Variants in COL24A1 observed in about 807,000 individuals in gnomAD.
COL24A1 encodes the protein collagen type XXIV alpha 1 chain.
Under a neutral mutation model 253.9 loss-of-function variants are expected in COL24A1, and 224 were observed. The ratio of observed to expected loss-of-function variants is 0.88; its 90% CI spans 0.79 to 0.99. COL24A1 has a LOEUF of 0.99. Ranked by LOEUF, COL24A1 falls within the 50% of genes least tolerant of loss-of-function variation. The probability of loss-of-function intolerance (pLI) is 0.00; values close to 1 mark genes in which losing one functional copy is unlikely to be tolerated. For missense variants in COL24A1, 2,131 were observed against 2,068.5 expected, an observed-to-expected ratio of 1.03 and a Z score of -0.59; for synonymous variants, 685 against 673.7, an observed-to-expected ratio of 1.02 and a Z score of -0.26.
chr1:85,897,776 A>G (rs1329067733), intron 28 of COL24A1, among the ~76,000 whole-genome samples: 1 of 152,232 alleles, frequency 6.6e-6, no homozygotes, highest in Non-Finnish European at 1.5e-5. Flanking sequence ...AATTATGTTA[A>G]GTGTTACAGT....
intron 12 of COL24A1, among the ~76,000 whole-genome samples, chr1:86,035,229 C>T (rs1698904548): frequency 6.6e-6 from 1 of 152,174 alleles, no homozygotes; most frequent in South Asian, 2.1e-4. Context: ...TCAGCTGAAG[C>T]TCAAGCATTT....
In COL24A1 at chr1:86,135,211, C is replaced by T. The variant is rs371652046; in HGVS notation, c.122-8997G>A. ...GTTTTCCATTTGCTTGGTAGATCTTCCTCCATCCCTTTATTTTGAGCCTAT... is the reference window on the plus strand; with the variant it reads ...GTTTTCCATTTGCTTGGTAGATCTTTCTCCATCCCTTTATTTTGAGCCTAT... On this transcript the variant is annotated intron_variant, in intron 2 of 59. Transcript: ENST00000370571. Among the ~76,000 whole-genome samples, 130 of 152,136 alleles carry T rather than the reference C, an allele frequency of 8.5e-4. No individual in the cohort carries two copies. The East Asian group carries it at 0.013, about 16-fold the overall frequency.
chr1:85,902,110 T>C (rs144118358), intron 28 of COL24A1, among the ~76,000 whole-genome samples: 125 of 152,232 alleles, frequency 8.2e-4, no homozygotes, highest in African/African-American at 2.9e-3. Flanking sequence ...GAAAGACAAA[T>C]GCCACATGTT....
intron 37 of COL24A1, 74 bp from the exon 38 acceptor site, chr1:85,849,480 C>G (rs1439598210): frequency 6.6e-6 from 7 of 1,063,718 alleles, no homozygotes; most frequent in Non-Finnish European, 1.0e-5. Context: ...ATACTTCTAT[C>G]AGATAATCAC....
chr1:85,830,468 C>A (rs1466669903), intron 43 of COL24A1, among the ~76,000 whole-genome samples: 4 of 152,170 alleles, frequency 2.6e-5, no homozygotes, highest in African/African-American at 4.8e-5. Flanking sequence ...AGCTTCCCGG[C>A]TGCTTTGTTT....
chr1:85,965,141 A>C lies in COL24A1; in HGVS notation c.2464-79T>G, dbSNP rs904242793. ...TTTGAAAGTTTCCTAAGATATATGA[A>C]ATTTAGACTATTCTTATAAATTTAA... is the stretch of plus-strand genomic sequence containing the variant. On this transcript the variant is annotated intron_variant, in intron 22 of 59. Transcript: ENST00000370571. 5.1e-5 allele frequency: 54 copies of C among 1,049,446 alleles called. No individual in the cohort carries two copies. The African/African-American group carries it at 8.3e-4, about 16-fold the overall frequency. 65.0% of individuals were successfully genotyped at this position (1,049,446 alleles called of 1,614,324 possible). A position where few individuals can be genotyped will look rare whatever the true frequency, so the allele number is the denominator to read the frequency against.
At chr1:85,965,103 A>T (rs760562370) in intron 22 of COL24A1, 41 bp from the exon 23 acceptor site, 3 of 1,489,940 alleles carry the variant, frequency 2.0e-6, no homozygotes, top group Non-Finnish European at 2.7e-6. Flanking sequence ...ATATATGTTT[A>T]GTCATTCTCA....
intron 3 of COL24A1, among the ~76,000 whole-genome samples, chr1:86,123,269 T>C (rs1418211600): frequency 6.6e-6 from 1 of 151,948 alleles, no homozygotes; most frequent in Admixed American, 6.6e-5. Context: ...CATAACTAAC[T>C]TTGTCCACAA....
In COL24A1 at chr1:85,845,435, A is replaced by C. The variant is rs542678272; in HGVS notation, c.3462+2230T>G. ...ATTTCTTTAAACAAATAAATGGTATATCTAAAAAACAACTGTAAACAACAC... is the reference window on the plus strand; with the variant it reads ...ATTTCTTTAAACAAATAAATGGTATCTCTAAAAAACAACTGTAAACAACAC... On this transcript the variant is annotated intron_variant, in intron 39 of 59. Coordinates refer to ENST00000370571, the MANE Select transcript of COL24A1 (RefSeq NM_152890.7). 2.3e-4 allele frequency among the ~76,000 whole-genome samples: 35 copies of C among 152,058 alleles called. 1 individual carries two copies. In the South Asian group the frequency reaches 7.1e-3, roughly 31 times the overall value.
At chr1:86,110,241 A>G (rs1705408283) in intron 5 of COL24A1, among the ~76,000 whole-genome samples, 1 of 151,824 alleles carries the variant, frequency 6.6e-6, no homozygotes, top group African/African-American at 2.4e-5. Context: ...TTAGTGGGAA[A>G]GTATGGGAAT....
intron 24 of COL24A1, among the ~76,000 whole-genome samples, chr1:85,945,000 G>GTGTTTTTT (rs1689128489): frequency 1.4e-4 from 5 of 36,128 alleles, no homozygotes; most frequent in Non-Finnish European, 2.5e-4. Flanking sequence ...GTCTATCATT[G>GTGTTTTTT]TGTTTTTTTT....
Position 85,816,364 on chromosome 1 carries a change from C to A in COL24A1, c.3951+424G>T, listed in dbSNP as rs150698556. ...ACACAGAGAAAATATTCACACAATT[C>A]TTGTAAAATACTGAGGCTATAAAAG... On this transcript the variant is annotated intron_variant, in intron 47 of 59. Coordinates refer to ENST00000370571, the MANE Select transcript of COL24A1 (RefSeq NM_152890.7). 2.2e-3 allele frequency among the ~76,000 whole-genome samples: 338 copies of A among 152,200 alleles called. 1 individual carries two copies. The highest frequency in any genetic ancestry group is 3.3e-3 in the Admixed American group (51 of 15,294).
intron 24 of COL24A1, among the ~76,000 whole-genome samples, chr1:85,919,692 AAAC>A (rs1164139003): frequency 6.6e-6 from 1 of 152,176 alleles, no homozygotes; most frequent in South Asian, 2.1e-4. Flanking sequence ...TAAAAAATAA[AAAC>A]AACAACAACA....
At chr1:86,084,451 T>C (rs1276037238) in intron 7 of COL24A1, among the ~76,000 whole-genome samples, 2 of 152,210 alleles carry the variant, frequency 1.3e-5, no homozygotes, top group Non-Finnish European at 2.9e-5. Context: ...CTCATGCCAA[T>C]GTTAGTCCCA....
chr1:85,927,842 G>T lies in COL24A1; in HGVS notation c.2563-16409C>A, dbSNP rs1420165400. ...GGCACACTGACACCTCACATGGCAG[G>T]GTATTCCAACAGACCTGCAGCTGAG... On this transcript the variant is annotated intron_variant, in intron 24 of 59. Transcript: ENST00000370571. Among the ~76,000 whole-genome samples, 31 of 130,132 alleles carry T rather than the reference G, an allele frequency of 2.4e-4. 1 individual carries two copies. Among genetic ancestry groups the T allele is most frequent in the Non-Finnish European group, 4.1e-4 (25 of 60,638 alleles). 85.4% of individuals were successfully genotyped at this position (130,132 alleles called of 152,430 possible). A position where few individuals can be genotyped will look rare whatever the true frequency, so the allele number is the denominator to read the frequency against.
At chr1:85,745,404 G>T in intron 56 of COL24A1, 37 bp downstream of exon 56, 1 of 1,483,154 alleles carries the variant, frequency 6.7e-7, no homozygotes, top group South Asian at 1.2e-5. Flanking sequence ...GGTATATTGA[G>T]AGACAGTGCC....
At chr1:85,909,827 A>G in intron 26 of COL24A1, 123 bp downstream of exon 26, 1 of 820,250 alleles carries the variant, frequency 1.2e-6, no homozygotes, top group Non-Finnish European at 2.1e-6. Flanking sequence ...TAAAAATAAA[A>G]TTCTATGGGA....
chr1:86,058,011 G>A (rs1280825570), intron 9 of COL24A1, 36 bp from the exon 10 acceptor site: 3 of 1,569,454 alleles, frequency 1.9e-6, no homozygotes, highest in Admixed American at 3.6e-5. Context: ...TCATACTACA[G>A]TACTTTTTAA....
At chr1:85,867,502 G>C (rs566779285) in intron 37 of COL24A1, among the ~76,000 whole-genome samples, 1 of 152,320 alleles carries the variant, frequency 6.6e-6, no homozygotes, top group East Asian at 1.9e-4. Flanking sequence ...ACAGAAGAAA[G>C]AGAAACCATT....
Sources: allele counts gnomAD v4.1 joint callset (sites outside exome capture counted in the v4.1 genomes callset), GRCh38; gene constraint gnomAD v4.1.1; transcripts MANE v1.5; gene names NCBI Gene and HGNC (gene_info 2026-07-23, HGNC 2026-07-21).